The following KIZ variants were observed in gnomAD, a reference collection of about 807,000 sequenced individuals.
The protein encoded by KIZ is centrosomal protein kizuna.
A neutral mutation model predicts 79.6 loss-of-function variants in KIZ; 68 were observed. That is an observed-to-expected ratio of 0.85 (90% CI 0.70 to 1.05). The LOEUF (loss-of-function observed/expected upper bound fraction) is 1.05. Ranked by LOEUF, KIZ falls within the 50% of genes least tolerant of loss-of-function variation. KIZ has a pLI of 0.00. For synonymous variants in KIZ, 280 were observed against 281.8 expected (o/e 0.99, Z 0.06); for missense variants, 797 against 800.4 (o/e 1.00, Z 0.05).
chr20:21,128,354 C>T (rs1207041565), intron 1 of KIZ, among the ~76,000 whole-genome samples: 1 of 152,166 alleles, frequency 6.6e-6, no homozygotes, highest in African/African-American at 2.4e-5. Flanking sequence ...AAGCATCCCA[C>T]TGATCACAGA....
intron 6 of KIZ, among the ~76,000 whole-genome samples, chr20:21,201,391 AT>A (rs2035592005): frequency 6.6e-6 from 1 of 152,096 alleles, no homozygotes; most frequent in Non-Finnish European, 1.5e-5. Context: ...CTATCCATTT[AT>A]TTTTTTCCAG....
intron 11 of KIZ, among the ~76,000 whole-genome samples, chr20:21,237,250 C>G (rs1330349233): frequency 6.9e-6 from 1 of 145,166 alleles, no homozygotes; most frequent in Non-Finnish European, 1.5e-5. Flanking sequence ...TGCAGTGCAT[C>G]GAGATCGTGC....
chr20:21,202,926 A>C (rs1446051354), intron 6 of KIZ, among the ~76,000 whole-genome samples: 1 of 152,116 alleles, frequency 6.6e-6, no homozygotes, highest in Non-Finnish European at 1.5e-5. Context: ...GTCTTGTTTT[A>C]TCTCTCTCCC....
chr20:21,126,125 A>G lies in KIZ; in HGVS notation c.10A>G (p.Thr4Ala). 6.6e-7 allele frequency: 1 copy of G among 1,514,616 alleles called. No individual in the cohort carries two copies. The allele number at this position is 1,514,616 out of a possible 1,614,324, so 93.8% of individuals were successfully genotyped here. A position where few individuals can be genotyped will look rare whatever the true frequency, so the allele number is the denominator to read the frequency against. ...GCGCAGCGGCAGCAGCATGAGCCGG[A>G]CCCTCGCATCGGCCGTGCCCCTGTC... MSR[T>A]LASAVPLSSP... The change falls in exon 1 of 13, where the codon ACC becomes GCC. Residue 4 changes from threonine (T) to alanine (A), a missense_variant. Coordinates refer to ENST00000619189, the MANE Select transcript of KIZ (RefSeq NM_018474.6).
chr20:21,228,169 G>A (rs114369570), intron 9 of KIZ, among the ~76,000 whole-genome samples: 110 of 152,290 alleles, frequency 7.2e-4, no homozygotes, highest in African/African-American at 2.5e-3. Context: ...AGCATTGACA[G>A]TGGGACTCCT....
At chr20:21,220,899 TAAAC>T (rs1299887754) in intron 9 of KIZ, among the ~76,000 whole-genome samples, 1 of 152,208 alleles carries the variant, frequency 6.6e-6, no homozygotes, top group East Asian at 1.9e-4. Context: ...AGAGCAATGA[TAAAC>T]AAAGCTTGCC....
intron 9 of KIZ, among the ~76,000 whole-genome samples, chr20:21,220,437 C>T (rs1338220322): frequency 1.3e-5 from 2 of 151,996 alleles, no homozygotes; most frequent in African/African-American, 4.8e-5. Flanking sequence ...TCTTGAACTC[C>T]TTCCATTTCA....
chr20:21,229,698 C>T (rs1287540953), intron 10 of KIZ, among the ~76,000 whole-genome samples: 1 of 152,048 alleles, frequency 6.6e-6, no homozygotes, highest in Non-Finnish European at 1.5e-5. Context: ...CCTCAGCCTC[C>T]CAAGTAGCTG....
Position 21,162,841 on chromosome 20 carries a change from C to A in KIZ, c.1043-9C>A. 2 of 1,607,174 alleles carry A rather than the reference C, an allele frequency of 1.2e-6. No homozygotes were observed. The highest frequency in any genetic ancestry group is 1.7e-6 in the Non-Finnish European group (2 of 1,176,150). ...GTGATTGGTAATCAGTTCATGTCGC[C>A]ACTTGCAGATCATCTTGCTCACAGG... On this transcript the variant is annotated splice_polypyrimidine_tract_variant and intron_variant, in intron 5 of 12. Coordinates refer to ENST00000619189, the MANE Select transcript of KIZ (RefSeq NM_018474.6).
At chr20:21,132,437 A>G (rs1373160223) in intron 2 of KIZ, among the ~76,000 whole-genome samples, 2 of 152,092 alleles carry the variant, frequency 1.3e-5, no homozygotes, top group Non-Finnish European at 2.9e-5. Context: ...ATGTGCCACC[A>G]TGCTGGCTAA....
At chr20:21,222,515 T>C (rs2036531736) in intron 9 of KIZ, among the ~76,000 whole-genome samples, 1 of 152,234 alleles carries the variant, frequency 6.6e-6, no homozygotes, top group East Asian at 1.9e-4. Context: ...AAAATCAGGC[T>C]TTAAATATTT....
intron 2 of KIZ, among the ~76,000 whole-genome samples, chr20:21,135,039 G>T (rs2122352673): frequency 6.6e-6 from 1 of 152,292 alleles, no homozygotes; most frequent in African/African-American, 2.4e-5. Context: ...AGGTCAGGTT[G>T]CCCGGTGTGT....
At chr20:21,164,131 A>G (rs1406457447) in intron 6 of KIZ, among the ~76,000 whole-genome samples, 5 of 152,128 alleles carry the variant, frequency 3.3e-5, no homozygotes, top group Non-Finnish European at 5.9e-5. Context: ...TCACCCTTTC[A>G]TTTCCACAAA....
intron 6 of KIZ, chr20:21,197,041 T>C (rs2035371674): frequency 6.6e-6 from 1 of 152,256 alleles, no homozygotes; most frequent in Non-Finnish European, 1.5e-5. Flanking sequence ...CATTTTCTTT[T>C]TGGGGTGTGT....
At chr20:21,224,977 C>T (rs919020869) in intron 9 of KIZ, among the ~76,000 whole-genome samples, 4 of 151,808 alleles carry the variant, frequency 2.6e-5, no homozygotes, top group Non-Finnish European at 4.4e-5. Context: ...ATACACAAAA[C>T]GCATATCAAA....
intron 6 of KIZ, among the ~76,000 whole-genome samples, chr20:21,179,540 A>T (rs994707309): frequency 6.7e-6 from 1 of 150,004 alleles, no homozygotes; most frequent in South Asian, 2.1e-4. Context: ...AGTTTTATTG[A>T]TTTTTTTTCC....
chr20:21,155,209 A>G (rs907960197), intron 4 of KIZ, among the ~76,000 whole-genome samples: 1 of 152,230 alleles, frequency 6.6e-6, no homozygotes, highest in Non-Finnish European at 1.5e-5. Context: ...TTGGACACCA[A>G]AAGTGGACAA....
chr20:21,198,986 C>T (rs2035476538), intron 6 of KIZ, among the ~76,000 whole-genome samples: 1 of 152,196 alleles, frequency 6.6e-6, no homozygotes, highest in Non-Finnish European at 1.5e-5. Flanking sequence ...TCTCCCGTTT[C>T]TTTCTCACTG....
intron 7 of KIZ, among the ~76,000 whole-genome samples, chr20:21,207,768 A>G (rs937843345): frequency 6.6e-6 from 1 of 151,776 alleles, no homozygotes; most frequent in Non-Finnish European, 1.5e-5. Flanking sequence ...CAGTGGTGCA[A>G]TCTCGGCTCG....
Sources: gnomAD v4.1 joint callset for allele counts (sites outside exome capture counted in the v4.1 genomes callset) on GRCh38, gnomAD v4.1.1 for gene constraint, MANE v1.5 for transcripts, NCBI Gene and HGNC (gene_info 2026-07-23, HGNC 2026-07-21) for gene names.